HEPHL1: variants seen among roughly 807,000 people sequenced by gnomAD.
HEPHL1 encodes the protein hephaestin like 1.
A neutral mutation model predicts 122.0 loss-of-function variants in HEPHL1; 123 were observed. That is an observed-to-expected ratio of 1.01 (90% confidence interval 0.87 to 1.17). HEPHL1 has a LOEUF of 1.17. HEPHL1 is among the 50% of genes most tolerant of loss of function. The pLI, the probability that HEPHL1 is intolerant of heterozygous loss-of-function variation, is 0.00. For synonymous variants in HEPHL1, 527 were observed against 508.9 expected, an observed-to-expected ratio of 1.04 and a Z score of -0.48; for missense variants, 1,452 against 1,430.5, an observed-to-expected ratio of 1.01 and a Z score of -0.24.
At position 94,101,278 on chromosome 11, in the gene HEPHL1, CA is replaced by C. The variant is rs1946365404; in HGVS notation, c.2519del (p.Gln840ArgfsTer16). On this transcript the variant is annotated frameshift_variant, in exon 14 of 20. Coordinates refer to ENST00000315765, the MANE Select transcript of HEPHL1 (RefSeq NM_001098672.2). LOFTEE classifies it high-confidence loss of function. Reference protein sequence around the residue: ...KASRPYSISAQGVEEMDSGKQ... With the variant: ...KASRPYSISAXGVEEMDSGKQ... Reference sequence around the variant, plus strand: ...CAGTAGGCCCTACTCCATCTCAGCCCAGGGTGTGGAGGAGATGGATAGTGGA... The same window carrying C: ...CAGTAGGCCCTACTCCATCTCAGCCCGGGTGTGGAGGAGATGGATAGTGGA... 6.2e-7 allele frequency: 1 copy of C among 1,613,728 alleles called. No homozygotes were observed. The highest frequency in any genetic ancestry group is 1.3e-5 in the African/African-American group (1 of 74,902).
At chr11:94,056,816 C>A (rs1305978895) in intron 2 of HEPHL1, among the ~76,000 whole-genome samples, 2 of 151,946 alleles carry the variant, frequency 1.3e-5, no homozygotes, top group Admixed American at 1.3e-4. Context: ...TTTATAGAAC[C>A]TTTTATATTA....
intron 2 of HEPHL1, among the ~76,000 whole-genome samples, chr11:94,060,872 T>C (rs981994076): frequency 1.3e-5 from 2 of 152,136 alleles, no homozygotes; most frequent in African/African-American, 4.8e-5. Context: ...ATCACTCTTG[T>C]GGTAGCTTGG....
chr11:94,057,363 T>C (rs956697812), intron 2 of HEPHL1, among the ~76,000 whole-genome samples: 1 of 152,112 alleles, frequency 6.6e-6, no homozygotes, highest in African/African-American at 2.4e-5. Context: ...TTTCTTTTTG[T>C]TGTTCTCCCC....
chr11:94,105,167 T>C (rs950802202), intron 16 of HEPHL1, among the ~76,000 whole-genome samples: 3 of 152,244 alleles, frequency 2.0e-5, no homozygotes, highest in African/African-American at 7.2e-5. Flanking sequence ...GTGTTACTTC[T>C]ACATAATTTA....
chr11:94,104,378 C>G, intron 15 of HEPHL1, 150 bp from the exon 16 acceptor site: 2 of 620,580 alleles, frequency 3.2e-6, no homozygotes, highest in Non-Finnish European at 5.7e-6. Flanking sequence ...ACAGGATGGG[C>G]TGGAGGTGGG....
At chr11:94,099,998 C>T (rs1048031940) in intron 13 of HEPHL1, among the ~76,000 whole-genome samples, 17 of 152,122 alleles carry the variant, frequency 1.1e-4, no homozygotes, top group African/African-American at 2.4e-4. Flanking sequence ...GGCTCACGCT[C>T]GGTGGGCTGC....
At position 94,096,967 on chromosome 11, in the gene HEPHL1, C is replaced by T. The variant is rs181624746; in HGVS notation, c.2434+3327C>T. On this transcript the variant is annotated intron_variant, in intron 13 of 19. Transcript: ENST00000315765. ...AATTTTGTTGATCTTTTCAAAAAAC[C>T]AGCTCCTGGATTCATTGATTTTTTG... 1.7e-4 allele frequency among the ~76,000 whole-genome samples: 26 copies of T among 152,228 alleles called. No individual in the cohort carries two copies. The East Asian group carries it at 3.9e-3, about 23-fold the overall frequency.
Position 94,021,434 on chromosome 11 carries a change from T to G in HEPHL1, c.66T>G (p.Val22=), listed in dbSNP as rs900899778. Residue 22 remains valine (V), a synonymous_variant, in exon 1 of 20, where the codon GTT becomes GTG. Coordinates refer to ENST00000315765, the MANE Select transcript of HEPHL1 (RefSeq NM_001098672.2). ...LLTFLGLSGL[V]GTVTRTYYIG... is the part of the protein sequence containing the mutation. ...CATTCCTGGGTCTGTCTGGGCTGGT[T>G]GGCACAGTTACCAGAACGTACTACA... The G allele has an allele frequency of 1.2e-6, 2 of 1,613,578 alleles. No homozygotes were observed. Among genetic ancestry groups the G allele is most frequent in the Non-Finnish European group, 1.7e-6 (2 of 1,179,518 alleles).
Position 94,110,975 on chromosome 11 carries a change from G to T in HEPHL1, c.3118G>T (p.Asp1040Tyr). Reference sequence around the variant, plus strand: ...ATTCCAAACCATTGAACTGTTTGCAGATCACCCAGGGACATGGCTGCTACA... The same window carrying T: ...ATTCCAAACCATTGAACTGTTTGCATATCACCCAGGGACATGGCTGCTACA... ...GTFQTIELFA[D>Y]HPGTWLLHCH... The change falls in exon 18 of 20, where the codon GAT (aspartate) becomes TAT (tyrosine). Residue 1040 changes from aspartate (D) to tyrosine (Y), a missense_variant. Asp to Tyr is a radical substitution (Grantham distance 160). Transcript: ENST00000315765. The T allele has an allele frequency of 6.2e-7, 1 of 1,612,540 alleles. No individual in the cohort carries two copies. Among genetic ancestry groups the T allele is most frequent in the East Asian group, 2.2e-5 (1 of 44,856 alleles).
rs1555061044 is a variant in HEPHL1 at position 94,056,657 on chromosome 11, T to TTATCTATC, written c.416-6807_416-6800dup. On this transcript the variant is annotated intron_variant, in intron 2 of 19. Transcript: ENST00000315765. ...TCCCCCTCCTTTGTGCTATTATTGATTATCTATCTATCTATCTATCTATCT... is the reference window on the plus strand; with the variant it reads ...TCCCCCTCCTTTGTGCTATTATTGATTATCTATCTATCTATCTATCTATCTATCTATCT... 2.6e-3 allele frequency among the ~76,000 whole-genome samples: 287 copies of TTATCTATC among 111,908 alleles called. 1 individual carries two copies. The highest frequency in any genetic ancestry group is 8.7e-3 in the African/African-American group (277 of 31,696). The allele number at this position is 111,908 out of a possible 152,430, so 73.4% of individuals were successfully genotyped here.
Position 94,111,731 on chromosome 11 carries a change from A to G in HEPHL1, c.3317A>G (p.Asn1106Ser). ...GAGCAGCTCTATTTCTTTGGCAAGA[A>G]TCTGGGTCCAACAGGAGCCAAGGCA... ...GKEQLYFFGK[N>S]LGPTGAKAAL... Residue 1106 changes from asparagine (N) to serine (S), a missense_variant, in exon 20 of 20, where the codon AAT becomes AGT. Coordinates refer to ENST00000315765, the MANE Select transcript of HEPHL1 (RefSeq NM_001098672.2). The G allele has an allele frequency of 6.2e-7, 1 of 1,607,494 alleles. No homozygotes were observed.
At chr11:94,071,197 C>G (rs772839217) in intron 6 of HEPHL1, among the ~76,000 whole-genome samples, 13 of 152,082 alleles carry the variant, frequency 8.5e-5, no homozygotes, top group Non-Finnish European at 1.5e-4. Flanking sequence ...AGTATATAAT[C>G]ATATGCAAAG....
intron 2 of HEPHL1, among the ~76,000 whole-genome samples, chr11:94,057,969 A>T (rs1302154738): frequency 2.0e-5 from 3 of 152,084 alleles, no homozygotes; most frequent in Non-Finnish European, 4.4e-5. Context: ...CTGTGGGCTA[A>T]ATCTGTGGAT....
chr11:94,037,698 T>C (rs1945739383), intron 1 of HEPHL1, among the ~76,000 whole-genome samples: 1 of 152,008 alleles, frequency 6.6e-6, no homozygotes, highest in Non-Finnish European at 1.5e-5. Flanking sequence ...AGAAAGGACA[T>C]CCACACCGAA....
At position 94,093,534 on chromosome 11, in the gene HEPHL1, T is replaced by C. The variant is rs756977630; in HGVS notation, c.2328T>C (p.Asn776=). The part of the protein sequence containing the change: ...HGDIFMNRTE[N]WIGSQYKKVV... ...ATATATTTATGAACCGCACTGAAAA[T>C]TGGATTGGCTCTCAGTACAAGAAGG... is the stretch of plus-strand genomic sequence containing the variant. The change falls in exon 13 of 20, where the codon AAT becomes AAC. Residue 776 remains asparagine, a synonymous_variant. Coordinates refer to ENST00000315765, the MANE Select transcript of HEPHL1 (RefSeq NM_001098672.2). The C allele has an allele frequency of 6.2e-7, 1 of 1,613,376 alleles. No homozygotes were observed. The highest frequency in any genetic ancestry group is 1.3e-5 in the African/African-American group (1 of 74,862).
intron 2 of HEPHL1, among the ~76,000 whole-genome samples, chr11:94,051,506 T>G (rs1591469719): frequency 6.6e-6 from 1 of 152,198 alleles, no homozygotes; most frequent in East Asian, 1.9e-4. Context: ...GGTAATTAGA[T>G]TTTTTCCTAT....
intron 2 of HEPHL1, among the ~76,000 whole-genome samples, chr11:94,060,119 T>C (rs1433221748): frequency 2.2e-4 from 1 of 4,624 alleles, no homozygotes; most frequent in African/African-American, 2.4e-4. Context: ...TATATATATA[T>C]ATATATATAT....
chr11:94,111,128 G>C, intron 18 of HEPHL1, 63 bp downstream of exon 18: 1 of 1,434,268 alleles, frequency 7.0e-7, no homozygotes. Context: ...CCCCAAAACA[G>C]GAGGCATGAC....
intron 1 of HEPHL1, among the ~76,000 whole-genome samples, chr11:94,023,842 T>C (rs1190645275): frequency 1.3e-5 from 2 of 152,178 alleles, no homozygotes; most frequent in African/African-American, 4.8e-5. Flanking sequence ...ATACTGGTTT[T>C]TATCAGTGAT....
Sources: gnomAD v4.1 joint callset for allele counts (sites outside exome capture counted in the v4.1 genomes callset) on GRCh38, gnomAD v4.1.1 for gene constraint, MANE v1.5 for transcripts, NCBI Gene and HGNC (gene_info 2026-07-23, HGNC 2026-07-21) for gene names.